ANKS3: variants seen among roughly 807,000 people sequenced by gnomAD.
ANKS3 encodes ankyrin repeat and SAM domain-containing protein 3.
In ANKS3, 62 loss-of-function variants were observed where a neutral mutation model predicts 80.7. The observed-to-expected ratio is 0.77, with a 90% confidence interval of 0.63 to 0.95. ANKS3 has a LOEUF of 0.95. Among genes scored for constraint, ANKS3 ranks in the 40% least tolerant of loss-of-function variants. ANKS3 has a pLI of 0.00. For synonymous variants in ANKS3, 489 were observed against 355.3 expected, an observed-to-expected ratio of 1.38 and a Z score of -4.23; for missense variants, 1,150 against 883.6, an observed-to-expected ratio of 1.30 and a Z score of -3.82.
Position 4,701,413 on chromosome 16 carries a change from CAAGA to C in ANKS3, c.1119+17_1119+20del, listed in dbSNP as rs768666526. On this transcript the variant is annotated intron_variant, in intron 10 of 17. Coordinates refer to ENST00000304283, the MANE Select transcript of ANKS3 (RefSeq NM_133450.4). ...CAGCCAGGGACCGGCTATGGGAGAC[CAAGA>C]AAGAAAGAATCCGTACCTCGTTGCT... 1 of 1,577,394 alleles carries C rather than the reference CAAGA, an allele frequency of 6.3e-7. No homozygotes were observed. The highest frequency in any genetic ancestry group is 8.6e-7 in the Non-Finnish European group (1 of 1,158,908).
chr16:4,733,316 T>C (rs1432473346), intron 1 of ANKS3, among the ~76,000 whole-genome samples: 2 of 151,390 alleles, frequency 1.3e-5, no homozygotes, highest in Non-Finnish European at 2.9e-5. Context: ...TTTTGAGACA[T>C]AATCTCACTC....
chr16:4,699,241 C>T, intron 11 of ANKS3, 65 bp from the exon 12 acceptor site: 1 of 1,566,120 alleles, frequency 6.4e-7, no homozygotes, highest in South Asian at 1.2e-5. Flanking sequence ...ACGTTTTCCT[C>T]CACTCGGAGC....
At chr16:4,699,515 G>C (rs1388469979) in intron 11 of ANKS3, 4 of 293,824 alleles carry the variant, frequency 1.4e-5, no homozygotes, top group African/African-American at 2.1e-5. Flanking sequence ...TCTAATTCTA[G>C]AGTCTCAGTG....
chr16:4,701,530 G>A lies in ANKS3; in HGVS notation c.1023C>T (p.Phe341=). ...SSSSSREEHA[F]CANLGPVQSS... ...TCTGGACGGGCCCCAGGTTGGCACA[G>A]AAAGCATGTTCCTCTGAGGGCGGGA... Residue 341 remains phenylalanine (F), a synonymous_variant, in exon 10 of 18, where the codon TTC becomes TTT. Coordinates refer to ENST00000304283, the MANE Select transcript of ANKS3 (RefSeq NM_133450.4). 1 of 1,610,836 alleles carries A rather than the reference G, an allele frequency of 6.2e-7. No individual in the cohort carries two copies.
chr16:4,724,216 C>T (rs1256878415), intron 6 of ANKS3, among the ~76,000 whole-genome samples: 1 of 152,178 alleles, frequency 6.6e-6, no homozygotes, highest in African/African-American at 2.4e-5. Flanking sequence ...ATTAAATTAA[C>T]TGAGGCAGAT....
In ANKS3 at chr16:4,727,055, G is replaced by A. The variant is rs569624043; in HGVS notation, c.293C>T (p.Pro98Leu). 3.6e-5 allele frequency: 58 copies of A among 1,614,106 alleles called. No individual in the cohort carries two copies. In the South Asian group the frequency reaches 5.1e-4, roughly 14 times the overall value. ...LLEAGVSVNVPTPEGQTPLML... is the reference protein window; with the variant it reads ...LLEAGVSVNVLTPEGQTPLML... ...CAGTGGAGTCTGCCCTTCTGGGGTC[G>A]GCACATTCACACTCACCCCCGCCTC... Residue 98 changes from proline to leucine, a missense_variant, in exon 4 of 18, where the codon CCG (proline) becomes CTG (leucine). Pro to Leu is a moderately conservative substitution (Grantham distance 98). Transcript: ENST00000304283.
At chr16:4,698,673 CTG>C (rs2079724809) in intron 13 of ANKS3, 74 bp from the exon 14 acceptor site, 28 of 1,528,222 alleles carry the variant, frequency 1.8e-5, no homozygotes, top group South Asian at 3.8e-5. Context: ...CGGCCCTGTC[CTG>C]TGTGTGGGGC....
chr16:4,726,345 G>A (rs2081350815), intron 5 of ANKS3, among the ~76,000 whole-genome samples: 1 of 152,192 alleles, frequency 6.6e-6, no homozygotes, highest in South Asian at 2.1e-4. Context: ...GAATTTGCAT[G>A]TAATGTATGA....
chr16:4,697,568 A>G, intron 15 of ANKS3, 152 bp from the exon 16 acceptor site: 1 of 648,104 alleles, frequency 1.5e-6, no homozygotes, highest in Non-Finnish European at 2.6e-6. Context: ...AGGCCGAGGC[A>G]GGGAAGCCCT....
chr16:4,715,199 G>A (rs561661288), intron 6 of ANKS3, among the ~76,000 whole-genome samples: 1 of 151,994 alleles, frequency 6.6e-6, no homozygotes, highest in African/African-American at 2.4e-5. Flanking sequence ...CCCAGCATTT[G>A]ACAGGCCAAG....
chr16:4,700,587 G>A (rs1008947221), intron 11 of ANKS3: 1 of 366,308 alleles, frequency 2.7e-6, no homozygotes, highest in Non-Finnish European at 5.3e-6. Flanking sequence ...CAGAAAGGAG[G>A]AGGATGGTGG....
In ANKS3 at chr16:4,697,408, C is replaced by A. The variant is rs759982113; in HGVS notation, c.1819G>T (p.Gly607Cys). The A allele has an allele frequency of 9.3e-6, 15 of 1,605,574 alleles. No individual in the cohort carries two copies. In the African/African-American group the frequency reaches 2.0e-4, roughly 21 times the overall value. Reference sequence around the variant, plus strand: ...ATGGCCTGCAGGGACGCTTGCCAGCCCTTGGAGTCTGTGGTGCAGGTGCAG... The same window carrying A: ...ATGGCCTGCAGGGACGCTTGCCAGCACTTGGAGTCTGTGGTGCAGGTGCAG... The part of the protein sequence containing the change: ...GLAVPPADSK[G>C]WQASLQAMSL... The change falls in exon 16 of 18, where the codon GGC becomes TGC. Residue 607 changes from glycine to cysteine, a missense_variant. Transcript: ENST00000304283.
chr16:4,710,568 G>T (rs184028977), intron 7 of ANKS3, among the ~76,000 whole-genome samples: 90 of 152,172 alleles, frequency 5.9e-4, no homozygotes, highest in African/African-American at 2.1e-3. Flanking sequence ...CGTAAGCTGG[G>T]CGTGGTAGGG....
intron 1 of ANKS3, among the ~76,000 whole-genome samples, chr16:4,733,622 A>G (rs1228033824): frequency 2.0e-5 from 3 of 152,220 alleles, no homozygotes; most frequent in Non-Finnish European, 4.4e-5. Context: ...TTCAAAGAGT[A>G]TAATCATATT....
intron 1 of ANKS3, 88 bp from the exon 2 acceptor site, chr16:4,731,667 A>C (rs930347418): frequency 2.8e-6 from 2 of 713,782 alleles, no homozygotes; most frequent in African/African-American, 3.8e-5. Flanking sequence ...TTCTGAAAAA[A>C]ATAGAAAGCA....
At chr16:4,717,871 C>A (rs1254195178) in intron 6 of ANKS3, among the ~76,000 whole-genome samples, 1 of 151,932 alleles carries the variant, frequency 6.6e-6, no homozygotes, top group African/African-American at 2.4e-5. Context: ...TCTCGGCTCA[C>A]TGCAACCTCT....
chr16:4,730,245 G>A (rs2081550646), intron 2 of ANKS3, 94 bp from the exon 3 acceptor site: 5 of 1,243,022 alleles, frequency 4.0e-6, no homozygotes, highest in Non-Finnish European at 4.2e-6. Flanking sequence ...CACTGCACTA[G>A]CAGACTGATA....
intron 6 of ANKS3, among the ~76,000 whole-genome samples, chr16:4,720,635 G>C (rs2081041395): frequency 6.6e-6 from 1 of 151,166 alleles, no homozygotes; most frequent in South Asian, 2.1e-4. Flanking sequence ...TGCTTAAAAA[G>C]ACGTGTAAGA....
chr16:4,701,490 C>CGCT lies in ANKS3; in HGVS notation c.1060_1062dup (p.Ser354dup), dbSNP rs761867063. 4.7e-5 allele frequency: 76 copies of CGCT among 1,611,924 alleles called. No individual in the cohort carries two copies. The Admixed American group carries it at 7.7e-4, about 16-fold the overall frequency. On this transcript the variant is annotated inframe_insertion, in exon 10 of 18. Transcript: ENST00000304283. ...AGCCCCTGGGCTCTGGCCAGGCCCTCGCTGCTGCTGCTGCTCTGGACGGGC... is the reference window on the plus strand; with the variant it reads ...AGCCCCTGGGCTCTGGCCAGGCCCTCGCTGCTGCTGCTGCTGCTCTGGACGGGC...
Sources: allele counts gnomAD v4.1 joint callset (sites outside exome capture counted in the v4.1 genomes callset), GRCh38; gene constraint gnomAD v4.1.1; transcripts MANE v1.5; gene names NCBI Gene and HGNC (gene_info 2026-07-23, HGNC 2026-07-21).